The following CEP128 variants were observed in gnomAD, a reference collection of about 807,000 sequenced individuals.
CEP128 encodes the protein centrosomal protein 128kDa.
A neutral mutation model predicts 156.7 loss-of-function variants in CEP128; 132 were observed. The ratio of observed to expected loss-of-function variants is 0.84; its 90% confidence interval spans 0.73 to 0.97. The LOEUF is 0.97. Ranked by LOEUF, CEP128 falls within the 50% of genes least tolerant of loss-of-function variation. The pLI, the probability that CEP128 is intolerant of heterozygous loss-of-function variation, is 0.00. For missense variants in CEP128, 1,252 were observed against 1,281.9 expected (o/e 0.98, Z 0.36); for synonymous variants, 469 against 448.9 (o/e 1.04, Z -0.57).
intron 19 of CEP128, among the ~76,000 whole-genome samples, chr14:80,641,000 G>T (rs1894384148): frequency 6.6e-6 from 1 of 152,134 alleles, no homozygotes; most frequent in South Asian, 2.1e-4. Flanking sequence ...TTGCTTCCTA[G>T]CTACTTTGAA....
At chr14:80,926,456 G>C (rs989486652) in intron 2 of CEP128, among the ~76,000 whole-genome samples, 1 of 152,134 alleles carries the variant, frequency 6.6e-6, no homozygotes, top group African/African-American at 2.4e-5. Context: ...TTACCCCTGC[G>C]ACCAGGGAAC....
chr14:80,787,653 G>C (rs1901481792), intron 14 of CEP128, among the ~76,000 whole-genome samples: 1 of 152,074 alleles, frequency 6.6e-6, no homozygotes, highest in South Asian at 2.1e-4. Context: ...TGTAAAGATA[G>C]CATGGGAGGG....
chr14:80,616,072 T>C (rs574359234), intron 19 of CEP128, among the ~76,000 whole-genome samples: 1 of 152,310 alleles, frequency 6.6e-6, no homozygotes, highest in Admixed American at 6.5e-5. Flanking sequence ...TGTGCTTTAC[T>C]TAGAAAAGAG....
At chr14:80,794,719 T>C (rs1901897165) in intron 13 of CEP128, among the ~76,000 whole-genome samples, 5 of 152,110 alleles carry the variant, frequency 3.3e-5, no homozygotes, top group Admixed American at 2.6e-4. Flanking sequence ...CCAGAGAAGC[T>C]AACTCTAATT....
chr14:80,879,276 C>T (rs1431848917), intron 8 of CEP128, among the ~76,000 whole-genome samples: 1 of 151,764 alleles, frequency 6.6e-6, no homozygotes, highest in Non-Finnish European at 1.5e-5. Context: ...CAGGGACACA[C>T]AAAAAAATGA....
intron 13 of CEP128, among the ~76,000 whole-genome samples, chr14:80,811,063 TTTGC>T (rs1884505210): frequency 6.6e-6 from 1 of 152,108 alleles, no homozygotes; most frequent in Non-Finnish European, 1.5e-5. Context: ...CCTGTGTTAG[TTTGC>T]TGAGGTTAAT....
chr14:80,797,105 T>C (rs778704340), intron 13 of CEP128, among the ~76,000 whole-genome samples: 106 of 152,288 alleles, frequency 7.0e-4, no homozygotes, highest in Non-Finnish European at 1.1e-3. Flanking sequence ...CCCAAGAGTA[T>C]ACCAAATTCT....
intron 19 of CEP128, among the ~76,000 whole-genome samples, chr14:80,582,883 T>C (rs914151898): frequency 6.6e-6 from 1 of 152,110 alleles, no homozygotes; most frequent in Non-Finnish European, 1.5e-5. Context: ...ATGAATTAGA[T>C]TGTTTAATGG....
At chr14:80,585,084 G>A (rs1445241327) in intron 19 of CEP128, among the ~76,000 whole-genome samples, 1 of 152,184 alleles carries the variant, frequency 6.6e-6, no homozygotes, top group Non-Finnish European at 1.5e-5. Flanking sequence ...CCTTGGATTG[G>A]TTCCAATTTT....
At chr14:80,685,864 C>T (rs765101555) in intron 19 of CEP128, among the ~76,000 whole-genome samples, 141 of 152,008 alleles carry the variant, frequency 9.3e-4, no homozygotes, top group Non-Finnish European at 1.5e-3. Context: ...TAGGGAAGAA[C>T]CCCTATTCAA....
chr14:80,673,420 G>C (rs1895922705), intron 19 of CEP128, among the ~76,000 whole-genome samples: 1 of 151,366 alleles, frequency 6.6e-6, no homozygotes. Flanking sequence ...GAGGCGGGCG[G>C]ATCACGAGGT....
In CEP128 at chr14:80,831,961, C is replaced by G. The variant is rs529605671; in HGVS notation, c.1058-667G>C. Among the ~76,000 whole-genome samples the G allele has an allele frequency of 3.3e-5, 5 of 152,280 alleles. No individual in the cohort carries two copies. In the South Asian group the frequency reaches 1.0e-3, roughly 32 times the overall value. On this transcript the variant is annotated intron_variant, in intron 12 of 24. Coordinates refer to ENST00000555265, the MANE Select transcript of CEP128 (RefSeq NM_152446.5). ...TCAAATCTCATCTTGAATTGTAGCT[C>G]CCGTAATTCCCACATGTTGTGGGAG...
At chr14:80,929,862 G>A (rs925138417) in intron 2 of CEP128, among the ~76,000 whole-genome samples, 1 of 152,138 alleles carries the variant, frequency 6.6e-6, no homozygotes, top group Non-Finnish European at 1.5e-5. Flanking sequence ...CCTAAAGCAG[G>A]GGTCTCCAGC....
At chr14:80,897,964 G>C (rs1327462033) in intron 7 of CEP128, among the ~76,000 whole-genome samples, 1 of 152,110 alleles carries the variant, frequency 6.6e-6, no homozygotes, top group East Asian at 1.9e-4. Context: ...ATTTTTAGTA[G>C]AGATGGGGTT....
intron 18 of CEP128, among the ~76,000 whole-genome samples, chr14:80,743,860 C>T (rs1430301685): frequency 6.7e-6 from 1 of 150,158 alleles, no homozygotes; most frequent in Non-Finnish European, 1.5e-5. Context: ...TTCTTTCTTT[C>T]TCTCTCTCTC....
chr14:80,672,505 A>G (rs539118299), intron 19 of CEP128, among the ~76,000 whole-genome samples: 2 of 152,330 alleles, frequency 1.3e-5, no homozygotes, highest in South Asian at 4.2e-4. Flanking sequence ...ATATTCAGTT[A>G]CAATGTGCAT....
chr14:80,937,059 T>C (rs1314571159), intron 2 of CEP128, among the ~76,000 whole-genome samples: 1 of 152,092 alleles, frequency 6.6e-6, no homozygotes, highest in Non-Finnish European at 1.5e-5. Context: ...GGCCCATGCC[T>C]GTAATCACAG....
chr14:80,552,852 T>C (rs1168294116), intron 21 of CEP128, among the ~76,000 whole-genome samples: 1 of 152,172 alleles, frequency 6.6e-6, no homozygotes, highest in Non-Finnish European at 1.5e-5. Flanking sequence ...GGCTTTTCTT[T>C]TCACTCTTTT....
At chr14:80,768,524 G>T (rs1406164307) in intron 16 of CEP128, among the ~76,000 whole-genome samples, 1 of 152,188 alleles carries the variant, frequency 6.6e-6, no homozygotes, top group Non-Finnish European at 1.5e-5. Context: ...CCTCTGATAA[G>T]TAGAGGATTG....
Sources: allele counts gnomAD v4.1 joint callset (sites outside exome capture counted in the v4.1 genomes callset), GRCh38; gene constraint gnomAD v4.1.1; transcripts MANE v1.5; gene names NCBI Gene and HGNC (gene_info 2026-07-23, HGNC 2026-07-21).